UBE3D: variants seen among roughly 807,000 people sequenced by gnomAD.
UBE3D encodes the protein E3 ubiquitin-protein ligase E3D.
UBE3D carries 48 observed loss-of-function variants against 49.6 expected under a neutral mutation model. The ratio of observed to expected loss-of-function variants is 0.97; its 90% CI spans 0.77 to 1.23. The LOEUF (loss-of-function observed/expected upper bound fraction) is 1.23. UBE3D is among the 50% of genes most tolerant of loss of function. The pLI is 0.00. For missense variants in UBE3D, 452 were observed against 468.4 expected (o/e 0.96, Z 0.32); for synonymous variants, 189 against 174.2 (o/e 1.08, Z -0.67).
At chr6:82,992,423 A>G (rs1778957545) in intron 8 of UBE3D, among the ~76,000 whole-genome samples, 1 of 151,992 alleles carries the variant, frequency 6.6e-6, no homozygotes, top group Admixed American at 6.6e-5. Flanking sequence ...GGGTTTCACC[A>G]TGCTGGCCAG....
chr6:83,043,090 G>C (rs888241719), intron 4 of UBE3D, among the ~76,000 whole-genome samples: 1 of 152,190 alleles, frequency 6.6e-6, no homozygotes, highest in African/African-American at 2.4e-5. Flanking sequence ...TTCTTTAATG[G>C]ATAAGATAGC....
At chr6:82,958,806 A>T (rs1000192978) in intron 8 of UBE3D, among the ~76,000 whole-genome samples, 5 of 152,226 alleles carry the variant, frequency 3.3e-5, no homozygotes, top group African/African-American at 4.8e-5. Flanking sequence ...TTAGTTTTAC[A>T]TGTACATGGG....
At chr6:82,912,463 G>A (rs1772599436) in intron 9 of UBE3D, among the ~76,000 whole-genome samples, 1 of 151,456 alleles carries the variant, frequency 6.6e-6, no homozygotes, top group Non-Finnish European at 1.5e-5. Flanking sequence ...TTTTAATCAA[G>A]GCTTTGTCAC....
chr6:82,975,295 T>C (rs926499331), intron 8 of UBE3D, among the ~76,000 whole-genome samples: 1 of 152,122 alleles, frequency 6.6e-6, no homozygotes, highest in African/African-American at 2.4e-5. Context: ...AGATTTAAAT[T>C]GACATGGAAA....
chr6:83,023,919 TG>T, intron 6 of UBE3D, 49 bp downstream of exon 6: 4 of 1,267,016 alleles, frequency 3.2e-6, no homozygotes, highest in Non-Finnish European at 4.4e-6. Context: ...AAGGTCTGAA[TG>T]GGGAAAAAAA....
chr6:82,965,357 G>A (rs1220531434), intron 8 of UBE3D, among the ~76,000 whole-genome samples: 1 of 152,134 alleles, frequency 6.6e-6, no homozygotes, highest in African/African-American at 2.4e-5. Context: ...GCCGAGGCCA[G>A]TGGATCACCT....
chr6:83,040,441 A>G (rs546450256), intron 4 of UBE3D, among the ~76,000 whole-genome samples: 1 of 152,002 alleles, frequency 6.6e-6, no homozygotes, highest in East Asian at 1.9e-4. Context: ...CAAAGTCAAG[A>G]GCAACAGCAC....
At chr6:82,990,280 C>CT (rs796201280) in intron 8 of UBE3D, among the ~76,000 whole-genome samples, 1 of 152,020 alleles carries the variant, frequency 6.6e-6, no homozygotes, top group South Asian at 2.1e-4. Flanking sequence ...ATTGCCTTTC[C>CT]TTTTTTTATT....
chr6:82,995,330 C>A lies in UBE3D; in HGVS notation c.1010+23643G>T, dbSNP rs138941570. Among the ~76,000 whole-genome samples, 3 of 152,246 alleles carry A rather than the reference C, an allele frequency of 2.0e-5. No homozygotes were observed. The East Asian group carries it at 5.8e-4, about 29-fold the overall frequency. On this transcript the variant is annotated intron_variant, in intron 8 of 9. Transcript: ENST00000369747. ...GCATATGTGGACATGCTAGAAAGAT[C>A]TCCTTAAACATGATACAAAAGCAAA...
intron 8 of UBE3D, among the ~76,000 whole-genome samples, chr6:83,002,283 G>C (rs577876328): frequency 6.6e-6 from 1 of 152,270 alleles, no homozygotes; most frequent in African/African-American, 2.4e-5. Flanking sequence ...CTCTCCAAAA[G>C]TCATTTTGAA....
chr6:83,040,650 G>A (rs1320196043), intron 4 of UBE3D, among the ~76,000 whole-genome samples: 1 of 152,206 alleles, frequency 6.6e-6, no homozygotes. Context: ...TATTTGGACA[G>A]ATTCTGCAGC....
intron 1 of UBE3D, among the ~76,000 whole-genome samples, chr6:83,061,471 C>A (rs1784164620): frequency 6.6e-6 from 1 of 152,204 alleles, no homozygotes; most frequent in African/African-American, 2.4e-5. Context: ...TGACATAGTT[C>A]ATACAATAAT....
At chr6:82,882,427 T>C in the UBE3D span, among the ~76,000 whole-genome samples, 1 of 152,196 alleles carries the variant, frequency 6.6e-6, no homozygotes, top group Non-Finnish European at 1.5e-5. Context: ...ATTGAATACT[T>C]GGCACCTCTA....
chr6:82,892,821 T>G lies in UBE3D; in HGVS notation c.*201A>C, dbSNP rs1771033911. 8.0e-6 allele frequency: 5 copies of G among 627,710 alleles called. No homozygotes were observed. The highest frequency in any genetic ancestry group is 1.8e-5 in the African/African-American group (1 of 54,492). The allele number at this position is 627,710 out of a possible 1,614,324, so 38.9% of individuals were successfully genotyped here. A position where few individuals can be genotyped will look rare whatever the true frequency, so the allele number is the denominator to read the frequency against. On this transcript the variant is annotated 3_prime_UTR_variant, in exon 10 of 10. Coordinates refer to ENST00000369747, the MANE Select transcript of UBE3D (RefSeq NM_198920.3). ...GCTACTATGACTTTCTTCACAGTCC[T>G]GGGTTTTCAAAGATCTAAAGTTAAC...
At chr6:82,887,882 G>A (rs1269106891), downstream of UBE3D, among the ~76,000 whole-genome samples, 1 of 152,082 alleles carries the variant, frequency 6.6e-6, no homozygotes, top group Non-Finnish European at 1.5e-5. Flanking sequence ...CCAGAGTGTG[G>A]GCTCAGGAAA....
At chr6:83,057,245 C>A (rs1234595780) in intron 2 of UBE3D, among the ~76,000 whole-genome samples, 1 of 152,154 alleles carries the variant, frequency 6.6e-6, no homozygotes, top group African/African-American at 2.4e-5. Flanking sequence ...CATCCTTCAG[C>A]CAACCCTAGT....
At chr6:82,981,569 A>G (rs1362178957) in intron 8 of UBE3D, among the ~76,000 whole-genome samples, 1 of 152,014 alleles carries the variant, frequency 6.6e-6, no homozygotes, top group Non-Finnish European at 1.5e-5. Context: ...CTAAAAAAAA[A>G]AAATTTAAAT....
At chr6:82,966,005 G>GA (rs769115591) in intron 8 of UBE3D, among the ~76,000 whole-genome samples, 2 of 151,880 alleles carry the variant, frequency 1.3e-5, no homozygotes, top group Non-Finnish European at 2.9e-5. Context: ...ATTACACTTT[G>GA]AAAAAAGTAA....
intron 9 of UBE3D, among the ~76,000 whole-genome samples, chr6:82,947,862 A>G (rs1428058116): frequency 6.6e-6 from 1 of 152,102 alleles, no homozygotes; most frequent in Admixed American, 6.5e-5. Context: ...GAATACAGCA[A>G]AAGTAGTTCT....
Sources: gnomAD v4.1 joint callset for allele counts (sites outside exome capture counted in the v4.1 genomes callset) on GRCh38, gnomAD v4.1.1 for gene constraint, MANE v1.5 for transcripts, NCBI Gene and HGNC (gene_info 2026-07-23, HGNC 2026-07-21) for gene names.